The following SRMS variants were observed in gnomAD, a reference collection of about 807,000 sequenced individuals.
SRMS encodes src-related kinase lacking C-terminal regulatory tyrosine and N-terminal myristylation sites, also known as tyrosine-protein kinase Srms.
A neutral mutation model predicts 43.5 loss-of-function variants in SRMS; 42 were observed. The observed-to-expected ratio is 0.97, with a 90% CI of 0.75 to 1.25. The LOEUF (loss-of-function observed/expected upper bound fraction) is 1.25. Ranked by LOEUF, SRMS falls within the 50% of genes most tolerant of loss-of-function variation. The pLI is 0.00. For synonymous variants in SRMS, 316 were observed against 308.2 expected (o/e 1.03, Z -0.27); for missense variants, 703 against 681.0 (o/e 1.03, Z -0.36).
At chr20:63,547,083 C>G in intron 1 of SRMS, 25 bp downstream of exon 1, 2 of 1,512,806 alleles carry the variant, frequency 1.3e-6, no homozygotes, top group Non-Finnish European at 1.8e-6. Context: ...GAGGCAGGCT[C>G]TGACTCCGAG....
intron 1 of SRMS, among the ~76,000 whole-genome samples, chr20:63,546,696 G>C (rs905560722): frequency 4.0e-5 from 6 of 150,656 alleles, no homozygotes; most frequent in Non-Finnish European, 8.9e-5. Flanking sequence ...AGCTCCTGGA[G>C]CTCCTGTCAT....
At chr20:63,541,098 G>A in intron 7 of SRMS, 93 bp downstream of exon 7, 1 of 1,578,614 alleles carries the variant, frequency 6.3e-7, no homozygotes. Context: ...CCCTTGGCCA[G>A]ACCCTCCAAC....
At chr20:63,543,919 ATGAG>A (rs1316911354) in intron 2 of SRMS, among the ~76,000 whole-genome samples, 6 of 152,380 alleles carry the variant, frequency 3.9e-5, no homozygotes, top group African/African-American at 2.4e-5. Flanking sequence ...GGATGAATGA[ATGAG>A]TGAATTAGTG....
chr20:63,546,219 G>A (rs1159530667), intron 1 of SRMS, among the ~76,000 whole-genome samples: 2 of 152,160 alleles, frequency 1.3e-5, no homozygotes, highest in African/African-American at 4.8e-5. Flanking sequence ...CTCAGGACAA[G>A]CGGGGCAGGT....
At chr20:63,546,575 G>A (rs1369774914) in intron 1 of SRMS, among the ~76,000 whole-genome samples, 2 of 144,902 alleles carry the variant, frequency 1.4e-5, no homozygotes, top group Non-Finnish European at 3.0e-5. Context: ...TGGAGCGTGG[G>A]CCCGTCTCAG....
At position 63,543,809 on chromosome 20, in the gene SRMS, C is replaced by T. The variant is rs6062964; in HGVS notation, c.479-329G>A. ...AAGGAAAAGTGAATGAATGAATGAA[C>T]GAATAAGCAAATGAGTGAAAGAATA... On this transcript the variant is annotated intron_variant, in intron 2 of 7. Coordinates refer to ENST00000217188, the MANE Select transcript of SRMS (RefSeq NM_080823.4). The T allele has an allele frequency of 9.0e-3, 3,296 of 365,816 alleles. 16 individuals carry two copies. Among genetic ancestry groups the T allele is most frequent in the Admixed American group, 0.014 (322 of 22,284 alleles). 22.7% of individuals were successfully genotyped at this position (365,816 alleles called of 1,614,324 possible).
chr20:63,540,456 C>T lies in SRMS; in HGVS notation c.*362G>A, dbSNP rs912572911. On this transcript the variant is annotated 3_prime_UTR_variant, in exon 8 of 8. Transcript: ENST00000217188. Reference sequence around the variant, plus strand: ...TCTACCCACCCTCCTGTGCCGTTGTCTCTCTTGAGAGGCCAGGGACACGTG... The same window carrying T: ...TCTACCCACCCTCCTGTGCCGTTGTTTCTCTTGAGAGGCCAGGGACACGTG... Among the ~76,000 whole-genome samples the T allele has an allele frequency of 1.3e-5, 2 of 151,952 alleles. No individual in the cohort carries two copies. Among genetic ancestry groups the T allele is most frequent in the Admixed American group, 6.5e-5 (1 of 15,274 alleles).
intron 1 of SRMS, among the ~76,000 whole-genome samples, chr20:63,544,685 G>A (rs1461554645): frequency 5.3e-5 from 8 of 152,228 alleles, no homozygotes; most frequent in Admixed American, 4.6e-4. Context: ...CTCCAAACTC[G>A]GCTTCGCTGA....
chr20:63,544,751 G>A (rs2082722239), intron 1 of SRMS, among the ~76,000 whole-genome samples: 1 of 152,238 alleles, frequency 6.6e-6, no homozygotes, highest in East Asian at 1.9e-4. Flanking sequence ...AGCACTGCTG[G>A]GCTGTCGTGG....
At chr20:63,543,964 T>C (rs1270200712) in intron 2 of SRMS, among the ~76,000 whole-genome samples, 6 of 140,726 alleles carry the variant, frequency 4.3e-5, no homozygotes, top group African/African-American at 5.3e-5. Context: ...ATGAGATGAA[T>C]GGATGAATGA....
chr20:63,538,616 C>T lies in SRMS; in HGVS notation c.*2202G>A, dbSNP rs2082685935. The stretch of plus-strand genomic sequence containing the variant: ...TAGATTTCTGGGCAGCCCAGCTCAG[C>T]GCTGACCAAGGTGGGGAGGGGCAGC... On this transcript the variant is annotated 3_prime_UTR_variant, in exon 8 of 8. Transcript: ENST00000217188. 6.6e-6 allele frequency among the ~76,000 whole-genome samples: 1 copy of T among 151,922 alleles called. No homozygotes were observed. Among genetic ancestry groups the T allele is most frequent in the Non-Finnish European group, 1.5e-5 (1 of 67,992 alleles).
intron 3 of SRMS, among the ~76,000 whole-genome samples, chr20:63,542,987 T>G (rs1232201405): frequency 6.6e-6 from 1 of 152,262 alleles, no homozygotes; most frequent in East Asian, 1.9e-4. Context: ...CCTTCCGCCC[T>G]TGGGGCCTGG....
Position 63,540,836 on chromosome 20 carries a change from G to C in SRMS, c.1449C>G (p.Ile483Met). 1 of 1,603,146 alleles carries C rather than the reference G, an allele frequency of 6.2e-7. No homozygotes were observed. Among genetic ancestry groups the C allele is most frequent in the Non-Finnish European group, 8.5e-7 (1 of 1,177,374 alleles). ...TGAGGACTCAGGGGTGGCATCTGTG[G>C]ATGGCGTGCAGCTTCTCCCGCAGCG... ...FATLREKLHA[I>M]HRCHP Residue 483 changes from isoleucine (I) to methionine (M), a missense_variant, in exon 8 of 8, where the codon ATC becomes ATG. Ile to Met is a conservative substitution (Grantham distance 10, BLOSUM62 1). Coordinates refer to ENST00000217188, the MANE Select transcript of SRMS (RefSeq NM_080823.4).
At chr20:63,543,213 T>A in intron 3 of SRMS, 101 bp downstream of exon 3, 1 of 1,444,808 alleles carries the variant, frequency 6.9e-7, no homozygotes. Flanking sequence ...GAGCTGCGCC[T>A]CTGACAGCCC....
intron 3 of SRMS, 92 bp downstream of exon 3, chr20:63,543,222 C>A (rs974456006): frequency 1.3e-6 from 2 of 1,495,492 alleles, no homozygotes; most frequent in African/African-American, 2.7e-5. Context: ...CTCTGACAGC[C>A]CCAGGGGTTT....
At chr20:63,541,879 G>A (rs981382606) in intron 5 of SRMS, among the ~76,000 whole-genome samples, 8 of 152,242 alleles carry the variant, frequency 5.3e-5, no homozygotes, top group Non-Finnish European at 1.0e-4. Flanking sequence ...CTGGGTCTAT[G>A]TCACATTAGA....
intron 4 of SRMS, 53 bp downstream of exon 4, chr20:63,542,387 G>A: frequency 1.3e-6 from 2 of 1,598,670 alleles, no homozygotes; most frequent in Non-Finnish European, 1.7e-6. Context: ...GGGGCTTGAG[G>A]GTTGGACAGC....
At chr20:63,542,129 G>C in intron 5 of SRMS, 34 bp downstream of exon 5, 1 of 1,589,548 alleles carries the variant, frequency 6.3e-7, no homozygotes, top group Non-Finnish European at 8.6e-7. Context: ...TCGCAGGCGC[G>C]TCAGGGCCAC....
rs1419984418 is a variant in SRMS, at chr20:63,539,446, C to T, written c.*1372G>A. The stretch of plus-strand genomic sequence containing the variant: ...CATCAGCACTTCGGCTCAGCAGGTA[C>T]AGAGCTGACCCCAACTCTAGGGGAC... On this transcript the variant is annotated 3_prime_UTR_variant, in exon 8 of 8. Transcript: ENST00000217188. Among the ~76,000 whole-genome samples, 2 of 152,220 alleles carry T rather than the reference C, an allele frequency of 1.3e-5. No homozygotes were observed. Among genetic ancestry groups the T allele is most frequent in the Non-Finnish European group, 2.9e-5 (2 of 68,030 alleles).
Sources: gnomAD v4.1 joint callset for allele counts (sites outside exome capture counted in the v4.1 genomes callset) on GRCh38, gnomAD v4.1.1 for gene constraint, MANE v1.5 for transcripts, NCBI Gene and HGNC (gene_info 2026-07-23, HGNC 2026-07-21) for gene names.